Variants in FAM20B observed in about 807,000 individuals in gnomAD.
The protein encoded by FAM20B is glycosaminoglycan xylosylkinase.
FAM20B carries 23 observed loss-of-function variants against 43.8 expected under a neutral mutation model. That is an observed-to-expected ratio of 0.53 (90% CI 0.38 to 0.74). The LOEUF (loss-of-function observed/expected upper bound fraction) is 0.74, where lower values mean the gene tolerates loss of function less well. Among genes scored for constraint, FAM20B ranks in the 30% least tolerant of loss-of-function variants. The probability of loss-of-function intolerance (pLI) is 0.00; values close to 1 mark genes in which losing one functional copy is unlikely to be tolerated. For missense variants in FAM20B, 440 were observed against 510.5 expected, an observed-to-expected ratio of 0.86 and a Z score of 1.33; for synonymous variants, 178 against 192.4, an observed-to-expected ratio of 0.93 and a Z score of 0.62.
At chr1:179,063,846 A>T in intron 4 of FAM20B, 81 bp from the exon 5 acceptor site, 1 of 957,996 alleles carries the variant, frequency 1.0e-6, no homozygotes, top group Non-Finnish European at 1.6e-6. Context: ...TTACTTAGCT[A>T]CTCTGTTCTG....
intron 4 of FAM20B, among the ~76,000 whole-genome samples, chr1:179,061,148 G>A (rs951438564): frequency 1.2e-4 from 18 of 144,822 alleles, no homozygotes; most frequent in African/African-American, 4.4e-4. Context: ...GCACAATCTC[G>A]GCTTACTGCA....
intron 1 of FAM20B, among the ~76,000 whole-genome samples, chr1:179,040,690 C>T (rs186165467): frequency 0.13 from 14,866 of 118,706 alleles, 1,520 homozygotes; most frequent in East Asian, 0.17. Flanking sequence ...CCGGACGGGG[C>T]GGCTGGCCTG....
intron 6 of FAM20B, among the ~76,000 whole-genome samples, chr1:179,065,828 T>G (rs1295655036): frequency 6.6e-6 from 1 of 152,200 alleles, no homozygotes; most frequent in Admixed American, 6.5e-5. Flanking sequence ...CAGAAATGTA[T>G]TGCTTACAGT....
At chr1:179,052,337 G>A (rs1176100095) in intron 3 of FAM20B, among the ~76,000 whole-genome samples, 1 of 152,048 alleles carries the variant, frequency 6.6e-6, no homozygotes, top group African/African-American at 2.4e-5. Flanking sequence ...AAATTCAGAT[G>A]AGATACTGTT....
chr1:179,070,808 C>T (rs551317038), intron 7 of FAM20B, among the ~76,000 whole-genome samples: 13 of 151,734 alleles, frequency 8.6e-5, no homozygotes, highest in East Asian at 7.9e-4. Context: ...TGTGAGCCAC[C>T]GCTCCTGGCC....
chr1:179,026,515 C>T (rs1341253039), intron 1 of FAM20B, among the ~76,000 whole-genome samples: 1 of 152,138 alleles, frequency 6.6e-6, no homozygotes, highest in Non-Finnish European at 1.5e-5. Flanking sequence ...CTCTTGTGTT[C>T]CCCGGAGCGC....
chr1:179,026,580 C>T (rs1221450993), intron 1 of FAM20B, among the ~76,000 whole-genome samples: 4 of 152,294 alleles, frequency 2.6e-5, no homozygotes, highest in Admixed American at 6.5e-5. Context: ...GGGCCCGCCT[C>T]GTGGCCGGGA....
Position 179,063,957 on chromosome 1 carries a change from A to T in FAM20B, c.605A>T (p.Tyr202Phe), listed in dbSNP as rs527462559. The T allele has an allele frequency of 1.2e-6, 2 of 1,612,280 alleles. No individual in the cohort carries two copies. Among genetic ancestry groups the T allele is most frequent in the Non-Finnish European group, 1.7e-6 (2 of 1,179,228 alleles). ...GNNTCFYGKC[Y>F]YCRETEPACA... ...AATACTTGTTTTTATGGGAAGTGCT[A>T]TTACTGCCGAGAAACAGAACCAGCT... is the stretch of plus-strand genomic sequence containing the variant. Residue 202 changes from tyrosine (Y) to phenylalanine (F), a missense_variant, in exon 5 of 8, where the codon TAT becomes TTT. Physicochemically the swap from Tyr to Phe is conservative, Grantham distance 22 (BLOSUM62 3). Transcript: ENST00000263733.
Position 179,044,074 on chromosome 1 carries a change from T to C in FAM20B, c.227T>C (p.Val76Ala). The C allele has an allele frequency of 1.2e-6, 2 of 1,614,032 alleles. No homozygotes were observed. The highest frequency in any genetic ancestry group is 1.7e-6 in the Non-Finnish European group (2 of 1,180,000). ...IAAQWVVPRE[V>A]YPEETPELGA... is the part of the protein sequence containing the mutation. ...GCCCAGTGGGTGGTTCCCCGGGAAG[T>C]GTACCCTGAAGAGACACCAGAGCTG... is the stretch of plus-strand genomic sequence containing the variant. The change falls in exon 2 of 8, where the codon GTG becomes GCG. Residue 76 changes from valine (V) to alanine (A), a missense_variant. Coordinates refer to ENST00000263733, the MANE Select transcript of FAM20B (RefSeq NM_014864.4).
intron 7 of FAM20B, among the ~76,000 whole-genome samples, chr1:179,069,668 G>C (rs1242196332): frequency 6.6e-6 from 1 of 152,174 alleles, no homozygotes; most frequent in Non-Finnish European, 1.5e-5. Context: ...CACCGTGCCT[G>C]GCCAGCAGAG....
At chr1:179,065,265 C>T (rs1477738243) in intron 6 of FAM20B, among the ~76,000 whole-genome samples, 3 of 152,038 alleles carry the variant, frequency 2.0e-5, no homozygotes, top group Admixed American at 2.0e-4. Flanking sequence ...ATTCTCCACC[C>T]TCAGCCTCCT....
intron 2 of FAM20B, among the ~76,000 whole-genome samples, 173 bp from the exon 3 acceptor site, chr1:179,050,106 A>G (rs1225711430): frequency 1.3e-5 from 2 of 152,202 alleles, no homozygotes; most frequent in African/African-American, 4.8e-5. Context: ...TCTCTACCTC[A>G]TCTTCATTCC....
upstream of FAM20B, among the ~76,000 whole-genome samples, chr1:179,022,304 C>T (rs1212740863): frequency 2.0e-5 from 3 of 152,142 alleles, no homozygotes; most frequent in South Asian, 2.1e-4. Context: ...TAGCCTTTCC[C>T]GTCACCCTCT....
At chr1:179,067,953 G>A (rs887034516) in intron 7 of FAM20B, among the ~76,000 whole-genome samples, 2 of 152,098 alleles carry the variant, frequency 1.3e-5, no homozygotes, top group East Asian at 1.9e-4. Flanking sequence ...CAGTAGAGAC[G>A]GGTTTCACTA....
At chr1:179,036,545 C>T (rs1200796170) in intron 1 of FAM20B, among the ~76,000 whole-genome samples, 1 of 152,110 alleles carries the variant, frequency 6.6e-6, no homozygotes, top group Non-Finnish European at 1.5e-5. Context: ...TGAATATACC[C>T]AGTGAATTTG....
At chr1:179,046,731 G>A (rs898729491) in intron 2 of FAM20B, among the ~76,000 whole-genome samples, 2 of 151,408 alleles carry the variant, frequency 1.3e-5, no homozygotes, top group Non-Finnish European at 2.9e-5. Context: ...GGCTGGGTGC[G>A]GTGGCTCATG....
intron 1 of FAM20B, among the ~76,000 whole-genome samples, chr1:179,041,445 G>A (rs1358698346): frequency 6.6e-6 from 1 of 152,160 alleles, no homozygotes; most frequent in Non-Finnish European, 1.5e-5. Context: ...CTCGCGGTTA[G>A]GAGCTGGAGA....
At chr1:179,057,394 T>C (rs942813623) in intron 4 of FAM20B, among the ~76,000 whole-genome samples, 3 of 152,224 alleles carry the variant, frequency 2.0e-5, no homozygotes, top group African/African-American at 7.2e-5. Flanking sequence ...TTCATTCTCT[T>C]GATGCAATTT....
Position 179,025,923 on chromosome 1 carries a change from G to A in FAM20B, c.-309G>A, listed in dbSNP as rs1448420550. 5.4e-5 allele frequency: 8 copies of A among 148,678 alleles called. No individual in the cohort carries two copies. The highest frequency in any genetic ancestry group is 9.0e-5 in the Non-Finnish European group (6 of 66,410). 9.2% of individuals were successfully genotyped at this position (148,678 alleles called of 1,614,324 possible). ...GTGGGACTGCCGCTCTGCGCGGCGA[G>A]AGGTGGCCTGGGAATGGCCGGGCCG... is the stretch of plus-strand genomic sequence containing the variant. On this transcript the variant is annotated 5_prime_UTR_variant, in exon 1 of 8. Transcript: ENST00000263733.
Sources: gnomAD v4.1 joint callset for allele counts (sites outside exome capture counted in the v4.1 genomes callset) on GRCh38, gnomAD v4.1.1 for gene constraint, MANE v1.5 for transcripts, NCBI Gene and HGNC (gene_info 2026-07-23, HGNC 2026-07-21) for gene names.